The following CACNA1E variants were observed in gnomAD, a reference collection of about 807,000 sequenced individuals.
CACNA1E encodes the protein calcium voltage-gated channel subunit alpha1 E, also known as voltage-dependent R-type calcium channel subunit alpha-1E.
Under a neutral mutation model 259.2 loss-of-function variants are expected in CACNA1E, and 40 were observed. The ratio of observed to expected loss-of-function variants is 0.15; its 90% confidence interval spans 0.12 to 0.20. CACNA1E has a LOEUF of 0.20. Ranked by LOEUF, CACNA1E falls within the 10% of genes least tolerant of loss-of-function variation. The pLI, the probability that CACNA1E is intolerant of heterozygous loss-of-function variation, is 1.00. For missense variants in CACNA1E, 1,874 were observed against 3,040.1 expected, an observed-to-expected ratio of 0.62 and a Z score of 9.02; for synonymous variants, 1,104 against 1,138.5, an observed-to-expected ratio of 0.97 and a Z score of 0.61.
chr1:181,677,231 A>G (rs1649467900), intron 7 of CACNA1E, among the ~76,000 whole-genome samples: 1 of 151,922 alleles, frequency 6.6e-6, no homozygotes, highest in African/African-American at 2.4e-5. Context: ...ATGTTCTCCA[A>G]CTTGCTTTAT....
At chr1:181,599,108 C>G (rs542716135) in intron 6 of CACNA1E, among the ~76,000 whole-genome samples, 15 of 152,038 alleles carry the variant, frequency 9.9e-5, no homozygotes, top group Non-Finnish European at 1.6e-4. Context: ...CCTCTCCCCC[C>G]TCCCCACTCT....
chr1:181,643,306 G>T (rs766066911), intron 6 of CACNA1E, among the ~76,000 whole-genome samples: 3 of 152,192 alleles, frequency 2.0e-5, no homozygotes, highest in Non-Finnish European at 2.9e-5. Context: ...AGAGGGGAGG[G>T]ACAGGATAAA....
At chr1:181,480,091 A>G (rs1406826772), upstream of CACNA1E, among the ~76,000 whole-genome samples, 1 of 152,210 alleles carries the variant, frequency 6.6e-6, no homozygotes, top group Non-Finnish European at 1.5e-5. Flanking sequence ...AGCTAGGACA[A>G]CATAGTGAGA....
chr1:181,758,680 G>A lies in CACNA1E; in HGVS notation c.4495-78G>A. ...GTCCCACAGGGCAGGAATGAGAGAT[G>A]GCCAACCTCAGTGACATGTATTCCC... On this transcript the variant is annotated intron_variant, in intron 31 of 47. Transcript: ENST00000367573. The surrounding 1 kb of genome is among the most constrained non-coding windows in gnomAD (Gnocchi z 4.2). 1.2e-6 allele frequency: 1 copy of A among 812,472 alleles called. No individual in the cohort carries two copies. Among genetic ancestry groups the A allele is most frequent in the Non-Finnish European group, 2.1e-6 (1 of 481,686 alleles). 50.3% of individuals were successfully genotyped at this position (812,472 alleles called of 1,614,324 possible).
chr1:181,720,137 G>A, intron 13 of CACNA1E, 69 bp from the exon 14 acceptor site: 9 of 1,579,812 alleles, frequency 5.7e-6, no homozygotes, highest in Non-Finnish European at 7.8e-6. Flanking sequence ...CCAGGCATAT[G>A]CTGAGCTGGG....
intron 1 of CACNA1E, among the ~76,000 whole-genome samples, chr1:181,355,836 G>A (rs748349867): frequency 5.3e-5 from 8 of 152,178 alleles, no homozygotes; most frequent in African/African-American, 1.4e-4. Flanking sequence ...TACTGAGAGT[G>A]GAGGCATTAG....
chr1:181,487,362 A>AC (rs962510575), intron 1 of CACNA1E, among the ~76,000 whole-genome samples: 6 of 152,164 alleles, frequency 3.9e-5, no homozygotes, highest in Non-Finnish European at 7.4e-5. Context: ...TTATCCAGTT[A>AC]TTAATAGGGG....
At chr1:181,448,136 G>T (rs1660912542) in intron 2 of CACNA1E, among the ~76,000 whole-genome samples, 1 of 152,200 alleles carries the variant, frequency 6.6e-6, no homozygotes, top group African/African-American at 2.4e-5. Flanking sequence ...TTATGATGTA[G>T]ACATCTTTGA....
chr1:181,736,707 T>C (rs2102578089), intron 22 of CACNA1E, among the ~76,000 whole-genome samples: 1 of 152,322 alleles, frequency 6.6e-6, no homozygotes, highest in Non-Finnish European at 1.5e-5. Context: ...TTTACCAGTC[T>C]TTGGTCAGTA....
intron 2 of CACNA1E, among the ~76,000 whole-genome samples, chr1:181,456,836 G>A (rs1026738441): frequency 1.1e-4 from 16 of 152,308 alleles, no homozygotes; most frequent in African/African-American, 3.6e-4. Context: ...CTGTGGGGCC[G>A]TGGGATGTGG....
At chr1:181,500,874 C>T (rs1284060798) in intron 1 of CACNA1E, among the ~76,000 whole-genome samples, 1 of 152,172 alleles carries the variant, frequency 6.6e-6, no homozygotes, top group Admixed American at 6.5e-5. Flanking sequence ...AAAGGCTTTT[C>T]ATTTTTCTTA....
chr1:181,319,067 T>G (rs1248217549), intron 1 of CACNA1E, among the ~76,000 whole-genome samples: 1 of 152,140 alleles, frequency 6.6e-6, no homozygotes, highest in Non-Finnish European at 1.5e-5. Context: ...AGGACTGAGG[T>G]CACTTGCTGC....
chr1:181,711,460 C>T (rs1653356782), intron 8 of CACNA1E, among the ~76,000 whole-genome samples: 1 of 152,186 alleles, frequency 6.6e-6, no homozygotes. Flanking sequence ...TGGGATATGG[C>T]AGTGAGCCAA....
At chr1:181,777,179 G>A (rs1660042385) in intron 38 of CACNA1E, among the ~76,000 whole-genome samples, 1 of 152,224 alleles carries the variant, frequency 6.6e-6, no homozygotes, top group Non-Finnish European at 1.5e-5. Context: ...CCTCATGGCT[G>A]AGGACAAGGT....
At chr1:181,754,284 G>A (rs969019175) in intron 27 of CACNA1E, among the ~76,000 whole-genome samples, 14 of 150,158 alleles carry the variant, frequency 9.3e-5, no homozygotes, top group African/African-American at 2.7e-4. Context: ...TGAGAGAGAC[G>A]TAGGTGGCTC....
At chr1:181,715,758 G>T (rs543399727) in intron 9 of CACNA1E, among the ~76,000 whole-genome samples, 1 of 152,304 alleles carries the variant, frequency 6.6e-6, no homozygotes, top group African/African-American at 2.4e-5. Context: ...TGAAGAGCCA[G>T]GACAGATGGA....
intron 2 of CACNA1E, among the ~76,000 whole-genome samples, chr1:181,475,586 A>G (rs905782773): frequency 6.6e-6 from 1 of 152,168 alleles, no homozygotes; most frequent in African/African-American, 2.4e-5. Context: ...ACGTTTGTTT[A>G]TGTACCTCAT....
intron 2 of CACNA1E, among the ~76,000 whole-genome samples, chr1:181,448,811 C>G (rs1450607860): frequency 1.3e-5 from 2 of 152,234 alleles, no homozygotes; most frequent in Non-Finnish European, 2.9e-5. Context: ...GGAGGGCATA[C>G]CAGTCGGAAA....
chr1:181,480,446 T>C (rs1663156511), upstream of CACNA1E, among the ~76,000 whole-genome samples: 1 of 152,246 alleles, frequency 6.6e-6, no homozygotes, highest in South Asian at 2.1e-4. Context: ...TCCTGTCTCC[T>C]TGGAAGGCAA....
Sources: gnomAD v4.1 joint callset for allele counts (sites outside exome capture counted in the v4.1 genomes callset) on GRCh38, gnomAD v4.1.1 for gene constraint, Gnocchi (gnomAD v3.1) non-coding constraint, MANE v1.5 for transcripts, NCBI Gene and HGNC (gene_info 2026-07-23, HGNC 2026-07-21) for gene names.